ZNF444: variants seen among roughly 807,000 people sequenced by gnomAD.
ZNF444 encodes the protein zinc finger protein 444.
Under a neutral mutation model 14.4 loss-of-function variants are expected in ZNF444, and 8 were observed. The ratio of observed to expected loss-of-function variants is 0.56; its 90% CI spans 0.33 to 1.00. The LOEUF (loss-of-function observed/expected upper bound fraction) is 1.00, where lower values mean the gene tolerates loss of function less well. ZNF444 is among the 50% of genes least tolerant of loss of function. The pLI is 0.03. For synonymous variants in ZNF444, 258 were observed against 235.9 expected (o/e 1.09, Z -0.86); for missense variants, 510 against 504.8 (o/e 1.01, Z -0.10).
upstream of ZNF444, chr19:56,141,043 TTCGCGTA>T (rs1207583394): frequency 6.6e-6 from 1 of 152,134 alleles, no homozygotes; most frequent in Admixed American, 6.5e-5. Flanking sequence ...AGACGACGCT[TTCGCGTA>T]TCTTGGGAAA....
chr19:56,142,751 G>A lies in ZNF444; in HGVS notation c.-197+1394G>A, dbSNP rs1000455297. The stretch of plus-strand genomic sequence containing the variant: ...GAAGCACAGAGGGGGTAAGTCACAC[G>A]TCCACAGTCACACTGCTGATGAGTG... On this transcript the variant is annotated intron_variant, in intron 1 of 4. Coordinates refer to ENST00000337080, the MANE Select transcript of ZNF444 (RefSeq NM_018337.4). Among the ~76,000 whole-genome samples the A allele has an allele frequency of 3.0e-4, 46 of 152,140 alleles. 2 individuals carry two copies. Among genetic ancestry groups the A allele is most frequent in the African/African-American group, 9.7e-5 (4 of 41,422 alleles).
upstream of ZNF444, among the ~76,000 whole-genome samples, chr19:56,136,732 C>T (rs932328400): frequency 6.6e-6 from 1 of 152,116 alleles, no homozygotes; most frequent in African/African-American, 2.4e-5. Context: ...TCGCTGGGCC[C>T]CCTGCTAGAG....
Position 56,144,758 on chromosome 19 carries a change from A to T in ZNF444, c.-196-1489A>T, listed in dbSNP as rs76193660. 0.018 allele frequency among the ~76,000 whole-genome samples: 2,776 copies of T among 152,324 alleles called. 85 individuals carry two copies. Among genetic ancestry groups the T allele is most frequent in the African/African-American group, 0.061 (2,535 of 41,566 alleles). ...TTTGCTATATAGTTCCTTATGATAC[A>T]GTCCAAGCTGCTGTAATGAAGAGAC... On this transcript the variant is annotated intron_variant, in intron 1 of 4. Transcript: ENST00000337080. The surrounding 1 kb of genome is among the most constrained non-coding windows in gnomAD (Gnocchi z 4.0).
At chr19:56,157,459 A>T (rs1423172865) in intron 3 of ZNF444, 1 of 152,040 alleles carries the variant, frequency 6.6e-6, no homozygotes, top group African/African-American at 2.4e-5. Context: ...GCTGGAGTAC[A>T]GTGGTGTGAT....
At chr19:56,138,456 G>A (rs2030660990), upstream of ZNF444, among the ~76,000 whole-genome samples, 1 of 151,620 alleles carries the variant, frequency 6.6e-6, no homozygotes, top group Non-Finnish European at 1.5e-5. Flanking sequence ...GCAAAACGCT[G>A]TCCCTACAAA....
chr19:56,156,354 GA>G (rs1347159193), intron 3 of ZNF444: 1 of 152,244 alleles, frequency 6.6e-6, no homozygotes, highest in African/African-American at 2.4e-5. Flanking sequence ...CAGCCATGTA[GA>G]AATGTGATTA....
intron 3 of ZNF444, chr19:56,155,998 G>A (rs1318064936): frequency 6.6e-6 from 1 of 152,214 alleles, no homozygotes; most frequent in East Asian, 1.9e-4. Context: ...GCTTCCAACT[G>A]ACAGGCTGTA....
chr19:56,152,762 T>C (rs1360451526), intron 3 of ZNF444, among the ~76,000 whole-genome samples: 1 of 152,158 alleles, frequency 6.6e-6, no homozygotes, highest in Non-Finnish European at 1.5e-5. Flanking sequence ...GGCTTCCTGC[T>C]GTGTCCTCAC....
Position 56,158,596 on chromosome 19 carries a change from C to G in ZNF444, c.400C>G (p.Pro134Ala). 3 of 1,607,612 alleles carry G rather than the reference C, an allele frequency of 1.9e-6. No homozygotes were observed. Among genetic ancestry groups the G allele is most frequent in the Non-Finnish European group, 2.5e-6 (3 of 1,176,988 alleles). ...TGGAAAGGAGGACAGTGGGATGATT[C>G]CCTTAGGTGAGCTGCTGGCCTCTCT... Reference protein sequence around the residue: ...TGGKEDSGMIPLAGTAPGAEG... With the variant: ...TGGKEDSGMIALAGTAPGAEG... Residue 134 changes from proline (P) to alanine (A), a missense_variant, in exon 4 of 5, where the codon CCC becomes GCC. Pro to Ala is a conservative substitution (Grantham distance 27, BLOSUM62 -1). Transcript: ENST00000337080.
chr19:56,160,612 C>T lies in ZNF444; in HGVS notation c.*411C>T, dbSNP rs8419. 21,825 of 187,578 alleles carry T rather than the reference C, an allele frequency of 0.12. 1,747 individuals carry two copies. Among genetic ancestry groups the T allele is most frequent in the African/African-American group, 0.23 (9,804 of 42,800 alleles). 11.6% of individuals were successfully genotyped at this position (187,578 alleles called of 1,614,324 possible). ...CCTGAGGGGCAGGCCAGGAGGAGCT[C>T]GGGCGCAGGCCAGGCCCCCTTGGTG... On this transcript the variant is annotated 3_prime_UTR_variant, in exon 5 of 5. Transcript: ENST00000337080.
intron 3 of ZNF444, among the ~76,000 whole-genome samples, chr19:56,148,045 C>CG (rs1555781530): frequency 6.6e-6 from 1 of 151,992 alleles, no homozygotes; most frequent in Non-Finnish European, 1.5e-5. Context: ...AGAGTCCTGT[C>CG]GGGGGATGTG....
chr19:56,146,050 C>G (rs2031161074), intron 1 of ZNF444, 197 bp from the exon 2 acceptor site: 1 of 152,276 alleles, frequency 6.6e-6, no homozygotes. Flanking sequence ...GGGGTGAGAG[C>G]TTCCACATGT....
At chr19:56,155,141 G>A (rs28638380) in intron 3 of ZNF444, 5,618 of 152,322 alleles carry the variant, frequency 0.037, 116 homozygotes, top group African/African-American at 0.047. Context: ...CACACACAGG[G>A]TCACAGCTTA....
At chr19:56,158,727 C>CT in intron 4 of ZNF444, 125 bp downstream of exon 4, 1 of 881,872 alleles carries the variant, frequency 1.1e-6, no homozygotes, top group Non-Finnish European at 1.7e-6. Flanking sequence ...TGAGGAGCCC[C>CT]GGGGTTCGGA....
Position 56,147,375 on chromosome 19 carries a change from G to A in ZNF444, c.297+167G>A, listed in dbSNP as rs1241122686. Among the ~76,000 whole-genome samples, 2 of 152,132 alleles carry A rather than the reference G, an allele frequency of 1.3e-5. No individual in the cohort carries two copies. Among genetic ancestry groups the A allele is most frequent in the African/African-American group, 2.4e-5 (1 of 41,424 alleles). On this transcript the variant is annotated intron_variant, in intron 3 of 4. Transcript: ENST00000337080. The surrounding 1 kb of genome is among the most constrained non-coding windows in gnomAD (Gnocchi z 5.9). ...CAGCGTGGAGGGACAGTCCACGTGC[G>A]GCACCCTCCATCCCCACACCAGCTG...
chr19:56,152,847 C>T (rs879347784), intron 3 of ZNF444, among the ~76,000 whole-genome samples: 1 of 152,116 alleles, frequency 6.6e-6, no homozygotes, highest in Non-Finnish European at 1.5e-5. Flanking sequence ...AGGGCTCCCC[C>T]TTCATGACCT....
Position 56,147,120 on chromosome 19 carries a change from G to A in ZNF444, c.209G>A (p.Ser70Asn). Residue 70 changes from serine (S) to asparagine (N), a missense_variant, in exon 3 of 5, where the codon AGC (serine) becomes AAC (asparagine). Physicochemically the swap from Ser to Asn is conservative, Grantham distance 46 (BLOSUM62 1). Transcript: ENST00000337080. The surrounding 1 kb of genome is among the most constrained non-coding windows in gnomAD (Gnocchi z 5.9). Reference sequence around the variant, plus strand: ...CTGCTGGTGCTGGAACAGTTCCTGAGCGCGCTGCCCGCCGACACGCAGGCC... The same window carrying A: ...CTGCTGGTGCTGGAACAGTTCCTGAACGCGCTGCCCGCCGACACGCAGGCC... The part of the protein sequence containing the change: ...LELLVLEQFL[S>N]ALPADTQAWV... 1 of 1,574,444 alleles carries A rather than the reference G, an allele frequency of 6.4e-7. No individual in the cohort carries two copies. The highest frequency in any genetic ancestry group is 8.6e-7 in the Non-Finnish European group (1 of 1,164,680).
At position 56,158,856 on chromosome 19, in the gene ZNF444, C is replaced by T. The variant is rs191329318; in HGVS notation, c.406+254C>T. 2.5e-3 allele frequency among the ~76,000 whole-genome samples: 384 copies of T among 152,048 alleles called. 3 individuals carry two copies. Among genetic ancestry groups the T allele is most frequent in the Non-Finnish European group, 4.6e-3 (311 of 67,930 alleles). Reference sequence around the variant, plus strand: ...ACCCTCCACCTATCCATTCCTCTATCATATACCCACCCATTCACCCATCCA... The same window carrying T: ...ACCCTCCACCTATCCATTCCTCTATTATATACCCACCCATTCACCCATCCA... On this transcript the variant is annotated intron_variant, in intron 4 of 4. Transcript: ENST00000337080.
intron 3 of ZNF444, chr19:56,150,549 C>G (rs1042299386): frequency 2.9e-5 from 12 of 407,742 alleles, no homozygotes; most frequent in Non-Finnish European, 4.4e-5. Context: ...GGGAATAACA[C>G]TGCCGTGAGT....
Sources: gnomAD v4.1 joint callset for allele counts (sites outside exome capture counted in the v4.1 genomes callset) on GRCh38, gnomAD v4.1.1 for gene constraint, Gnocchi (gnomAD v3.1) non-coding constraint, MANE v1.5 for transcripts, NCBI Gene and HGNC (gene_info 2026-07-23, HGNC 2026-07-21) for gene names.